The following NANOS3 variants were observed in gnomAD, a reference collection of about 807,000 sequenced individuals.
The protein encoded by NANOS3 is nanos homolog 3.
A neutral mutation model predicts 13.8 loss-of-function variants in NANOS3; 11 were observed. That is an observed-to-expected ratio of 0.80 (90% CI 0.50 to 1.32). The LOEUF (loss-of-function observed/expected upper bound fraction) is 1.32. Among genes scored for constraint, NANOS3 ranks in the 40% most tolerant of loss-of-function variants. The probability of loss-of-function intolerance (pLI) is 0.00; values close to 1 mark genes in which losing one functional copy is unlikely to be tolerated. For missense variants in NANOS3, 221 were observed against 263.8 expected (o/e 0.84, Z 1.12); for synonymous variants, 119 against 115.4 (o/e 1.03, Z -0.20).
At chr19:13,878,363 T>TG (rs1172770136) in intron 1 of NANOS3, among the ~76,000 whole-genome samples, 1 of 146,212 alleles carries the variant, frequency 6.8e-6, no homozygotes, top group Non-Finnish European at 1.5e-5. Flanking sequence ...CTCAGCCTCC[T>TG]GAGAAGCTGA....
chr19:13,866,472 C>T (rs1976243204), intron 1 of NANOS3, among the ~76,000 whole-genome samples: 1 of 152,196 alleles, frequency 6.6e-6, no homozygotes, highest in South Asian at 2.1e-4. Context: ...TATACACAGA[C>T]ATACAGCACC....
rs1262472439 is a variant in NANOS3 at position 13,870,056 on chromosome 19, T to C, written n.21+4619T>C. On this transcript the variant is annotated intron_variant and non_coding_transcript_variant, in intron 1 of 2. Transcript: ENST00000591161. The stretch of plus-strand genomic sequence containing the variant: ...CATGCCCACCTTGTTCTTCAACTAT[T>C]TTTTTTTTTTTGAGACAGGGTCTCA... 1.0e-4 allele frequency among the ~76,000 whole-genome samples: 11 copies of C among 105,760 alleles called. No homozygotes were observed. The East Asian group carries it at 2.2e-3, about 21-fold the overall frequency. 69.4% of individuals were successfully genotyped at this position (105,760 alleles called of 152,430 possible). A position where few individuals can be genotyped will look rare whatever the true frequency, so the allele number is the denominator to read the frequency against.
chr19:13,876,686 C>G (rs917085032), upstream of NANOS3, among the ~76,000 whole-genome samples: 1 of 135,476 alleles, frequency 7.4e-6, no homozygotes, highest in African/African-American at 3.4e-5. Flanking sequence ...AGCAACCTCC[C>G]GCCTGGACAC....
upstream of NANOS3, among the ~76,000 whole-genome samples, chr19:13,872,445 A>G (rs1026486467): frequency 2.0e-5 from 3 of 152,010 alleles, no homozygotes; most frequent in Non-Finnish European, 4.4e-5. Context: ...CTGCCTCCCA[A>G]CTAGCTGGGA....
At chr19:13,874,109 C>T (rs1968457644), upstream of NANOS3, among the ~76,000 whole-genome samples, 1 of 152,162 alleles carries the variant, frequency 6.6e-6, no homozygotes, top group Admixed American at 6.5e-5. Context: ...GCGGCGCCCT[C>T]TCTGAACCTC....
intron 1 of NANOS3, among the ~76,000 whole-genome samples, chr19:13,865,675 G>C (rs1038055808): frequency 6.6e-6 from 1 of 151,082 alleles, no homozygotes; most frequent in African/African-American, 2.4e-5. Flanking sequence ...AGGGGGCGCC[G>C]GGAGGGTCGG....
In NANOS3 at chr19:13,878,616, A is replaced by AT. The variant is rs986350329; in HGVS notation, c.517+862dup. On this transcript the variant is annotated intron_variant, in intron 1 of 1. Transcript: ENST00000339133. ...TTATTTTTCTTCCTTTTTTTTTTTA[A>AT]TTTTTTTTTTTGAGATAGAGTCTCG... Among the ~76,000 whole-genome samples, 211 of 138,622 alleles carry AT rather than the reference A, an allele frequency of 1.5e-3. 1 individual carries two copies. The South Asian group carries it at 0.019, about 13-fold the overall frequency. 90.9% of individuals were successfully genotyped at this position (138,622 alleles called of 152,430 possible).
intron 1 of NANOS3, among the ~76,000 whole-genome samples, chr19:13,869,840 T>C (rs947898646): frequency 6.6e-6 from 1 of 151,474 alleles, no homozygotes; most frequent in Non-Finnish European, 1.5e-5. Flanking sequence ...GGAGCATATA[T>C]ATAGGTACTC....
At chr19:13,875,281 G>C (rs1968488002), upstream of NANOS3, among the ~76,000 whole-genome samples, 1 of 151,856 alleles carries the variant, frequency 6.6e-6, no homozygotes, top group African/African-American at 2.4e-5. Context: ...CTGCCTCCAG[G>C]GTTTGAGTGA....
At chr19:13,876,067 G>A (rs1043586735), upstream of NANOS3, among the ~76,000 whole-genome samples, 2 of 152,126 alleles carry the variant, frequency 1.3e-5, no homozygotes, top group Non-Finnish European at 2.9e-5. Context: ...CCCCCGCCAG[G>A]AAAGGGCTCC....
intron 1 of NANOS3, among the ~76,000 whole-genome samples, chr19:13,868,858 A>G (rs1976281997): frequency 6.6e-6 from 1 of 151,896 alleles, no homozygotes; most frequent in Non-Finnish European, 1.5e-5. Flanking sequence ...ATTACACACA[A>G]TTAGCCTGAT....
chr19:13,864,870 G>GCCCGCACGTCCCGCCACC (rs1172643021), upstream of NANOS3, among the ~76,000 whole-genome samples: 1 of 151,972 alleles, frequency 6.6e-6, no homozygotes, highest in Non-Finnish European at 1.5e-5. Flanking sequence ...GGCCCGGCAC[G>GCCCGCACGTCCCGCCACC]CCCGCACGTC....
chr19:13,866,324 C>T (rs1249883146), intron 1 of NANOS3, among the ~76,000 whole-genome samples: 1 of 152,044 alleles, frequency 6.6e-6, no homozygotes, highest in East Asian at 1.9e-4. Flanking sequence ...ACGTCCCCCC[C>T]ACGGTCCCAC....
chr19:13,871,066 C>T (rs1383575142), intron 1 of NANOS3, among the ~76,000 whole-genome samples: 2 of 151,994 alleles, frequency 1.3e-5, no homozygotes, highest in African/African-American at 4.8e-5. Flanking sequence ...GGGTCACAAG[C>T]AGGAGGAGAC....
At chr19:13,873,529 C>G (rs947870836), upstream of NANOS3, among the ~76,000 whole-genome samples, 4 of 152,024 alleles carry the variant, frequency 2.6e-5, no homozygotes, top group East Asian at 3.9e-4. Flanking sequence ...AATACAGTGG[C>G]GCGATCACGG....
intron 1 of NANOS3, among the ~76,000 whole-genome samples, chr19:13,869,119 G>A (rs1385264252): frequency 2.0e-5 from 3 of 151,976 alleles, no homozygotes; most frequent in Admixed American, 2.0e-4. Context: ...CCCAAACCCA[G>A]GGTCACCCAG....
At chr19:13,874,898 G>A (rs955846819), upstream of NANOS3, 7 of 526,004 alleles carry the variant, frequency 1.3e-5, no homozygotes, top group African/African-American at 7.7e-5. Context: ...GGCCACAGCC[G>A]AGGTCACAAT....
upstream of NANOS3, among the ~76,000 whole-genome samples, chr19:13,862,904 C>T (rs1004470220): frequency 2.0e-5 from 3 of 152,242 alleles, no homozygotes; most frequent in African/African-American, 7.2e-5. Flanking sequence ...CTCGGTTGCC[C>T]ATCTGTGGAA....
upstream of NANOS3, among the ~76,000 whole-genome samples, chr19:13,863,518 C>T (rs1002868124): frequency 6.6e-6 from 1 of 152,108 alleles, no homozygotes; most frequent in Non-Finnish European, 1.5e-5. Flanking sequence ...GTGCCCGGCC[C>T]CCCTTGCCTC....
Sources: gnomAD v4.1 joint callset for allele counts (sites outside exome capture counted in the v4.1 genomes callset) on GRCh38, gnomAD v4.1.1 for gene constraint, MANE v1.5 for transcripts, NCBI Gene and HGNC (gene_info 2026-07-23, HGNC 2026-07-21) for gene names.